The following KHDRBS2 variants were observed in gnomAD, a reference collection of about 807,000 sequenced individuals.
KHDRBS2 encodes the protein KH RNA binding domain containing, signal transduction associated 2, also known as KH domain-containing, RNA-binding, signal transduction-associated protein 2.
A neutral mutation model predicts 44.3 loss-of-function variants in KHDRBS2; 26 were observed. The ratio of observed to expected loss-of-function variants is 0.59; its 90% CI spans 0.43 to 0.81. KHDRBS2 has a LOEUF of 0.81. Among genes scored for constraint, KHDRBS2 ranks in the 40% least tolerant of loss-of-function variants. The pLI, the probability that KHDRBS2 is intolerant of heterozygous loss-of-function variation, is 0.00. For synonymous variants in KHDRBS2, 194 were observed against 151.1 expected (o/e 1.28, Z -2.08); for missense variants, 476 against 433.1 (o/e 1.10, Z -0.88).
intron 2 of KHDRBS2, among the ~76,000 whole-genome samples, chr6:62,089,591 G>C (rs562292504): frequency 7.0e-4 from 106 of 152,028 alleles, no homozygotes; most frequent in African/African-American, 2.4e-3. Context: ...GATGAACCGT[G>C]TACCTCAGTT....
intron 2 of KHDRBS2, among the ~76,000 whole-genome samples, chr6:62,089,150 G>T (rs1241860009): frequency 2.0e-5 from 3 of 151,808 alleles, no homozygotes; most frequent in Non-Finnish European, 4.4e-5. Flanking sequence ...ATCTCAGCTT[G>T]CTAGGCTCTG....
chr6:61,906,120 A>G (rs1583441068), intron 4 of KHDRBS2, among the ~76,000 whole-genome samples: 1 of 152,132 alleles, frequency 6.6e-6, no homozygotes, highest in South Asian at 2.1e-4. Flanking sequence ...TGCTGGGAAT[A>G]TAGGCGTGAG....
chr6:61,670,726 T>C, the KHDRBS2 span, among the ~76,000 whole-genome samples: 1 of 145,552 alleles, frequency 6.9e-6, no homozygotes, highest in African/African-American at 2.6e-5. Context: ...TGTTTGCTCA[T>C]CTAGTTCATC....
At chr6:61,893,570 TA>T (rs1385098349) in intron 6 of KHDRBS2, among the ~76,000 whole-genome samples, 2 of 152,124 alleles carry the variant, frequency 1.3e-5, no homozygotes, top group African/African-American at 2.4e-5. Flanking sequence ...TATGCAGCCA[TA>T]AAAAATGATG....
chr6:61,619,645 G>A, the KHDRBS2 span, among the ~76,000 whole-genome samples: 1 of 151,990 alleles, frequency 6.6e-6, no homozygotes, highest in Non-Finnish European at 1.5e-5. Flanking sequence ...GTAGAGAAGG[G>A]GTTTCTCCAT....
chr6:61,720,102 A>C (rs538904676), intron 7 of KHDRBS2, among the ~76,000 whole-genome samples: 1 of 152,226 alleles, frequency 6.6e-6, no homozygotes, highest in African/African-American at 2.4e-5. Flanking sequence ...TACAAAGGAC[A>C]TGAACTCATC....
chr6:61,819,470 C>G (rs1020040010), intron 6 of KHDRBS2, among the ~76,000 whole-genome samples: 2 of 152,018 alleles, frequency 1.3e-5, no homozygotes, highest in Non-Finnish European at 2.9e-5. Context: ...CATATCTTAT[C>G]TGTCCATTCT....
intron 6 of KHDRBS2, among the ~76,000 whole-genome samples, chr6:61,768,751 T>TCCTAC (rs1443657956): frequency 6.6e-6 from 1 of 152,038 alleles, no homozygotes; most frequent in Non-Finnish European, 1.5e-5. Flanking sequence ...AGACAGTCTT[T>TCCTAC]CCTACCCTTT....
At chr6:62,127,109 T>C (rs181137945) in intron 2 of KHDRBS2, among the ~76,000 whole-genome samples, 183 of 152,302 alleles carry the variant, frequency 1.2e-3, no homozygotes, top group Admixed American at 2.2e-3. Flanking sequence ...TAATTTGGCG[T>C]GGTTTAAACT....
the KHDRBS2 span, among the ~76,000 whole-genome samples, chr6:61,544,318 A>G: frequency 6.6e-6 from 1 of 152,128 alleles, no homozygotes; most frequent in African/African-American, 2.4e-5. Context: ...ATTAACTAGT[A>G]GCTTCAGCAG....
intron 3 of KHDRBS2, among the ~76,000 whole-genome samples, chr6:61,988,326 A>G (rs1775459907): frequency 6.6e-6 from 1 of 152,212 alleles, no homozygotes. Context: ...TTAACATATG[A>G]GAGACTTGTT....
intron 2 of KHDRBS2, among the ~76,000 whole-genome samples, chr6:62,135,570 T>A (rs548896861): frequency 6.6e-6 from 1 of 152,116 alleles, no homozygotes; most frequent in Non-Finnish European, 1.5e-5. Context: ...CCAAAACATA[T>A]CTGCACTCTT....
At chr6:62,114,407 A>C (rs1032711604) in intron 2 of KHDRBS2, among the ~76,000 whole-genome samples, 16 of 152,148 alleles carry the variant, frequency 1.1e-4, no homozygotes, top group African/African-American at 3.9e-4. Context: ...GAAATGTAAG[A>C]GTTTTGTGAC....
At chr6:61,975,089 T>C (rs1318633179) in intron 4 of KHDRBS2, among the ~76,000 whole-genome samples, 1 of 152,142 alleles carries the variant, frequency 6.6e-6, no homozygotes, top group Non-Finnish European at 1.5e-5. Flanking sequence ...AAGTGGGTTG[T>C]TTACCAGCAT....
At chr6:62,064,800 C>G (rs372438298) in intron 2 of KHDRBS2, among the ~76,000 whole-genome samples, 239 of 151,606 alleles carry the variant, frequency 1.6e-3, no homozygotes, top group Middle Eastern at 3.4e-3. Flanking sequence ...TTAAACTAAA[C>G]AGCTTCTGCA....
intron 6 of KHDRBS2, among the ~76,000 whole-genome samples, chr6:61,844,958 T>C (rs1462065389): frequency 6.6e-6 from 1 of 152,220 alleles, no homozygotes; most frequent in Non-Finnish European, 1.5e-5. Context: ...ACTTTGGAAA[T>C]TGTATCTGCT....
chr6:61,721,641 CTT>C (rs1253971148), intron 7 of KHDRBS2, among the ~76,000 whole-genome samples: 3 of 124,540 alleles, frequency 2.4e-5, no homozygotes, highest in Non-Finnish European at 3.7e-5. Context: ...TATCCTGAGA[CTT>C]TGCTGAAGTT....
the KHDRBS2 span, among the ~76,000 whole-genome samples, chr6:61,625,213 G>A: frequency 6.6e-6 from 1 of 151,620 alleles, no homozygotes; most frequent in Non-Finnish European, 1.5e-5. Flanking sequence ...GAGTATCCAG[G>A]TCATGTCACC....
intron 6 of KHDRBS2, among the ~76,000 whole-genome samples, chr6:61,774,553 C>G (rs192956966): frequency 1.3e-5 from 2 of 152,158 alleles, no homozygotes; most frequent in East Asian, 3.9e-4. Flanking sequence ...ACAATTGCTT[C>G]AAAGAGAATA....
Sources: allele counts gnomAD v4.1 joint callset (sites outside exome capture counted in the v4.1 genomes callset), GRCh38; gene constraint gnomAD v4.1.1; transcripts MANE v1.5; gene names NCBI Gene and HGNC (gene_info 2026-07-23, HGNC 2026-07-21).